The following POM121 variants were observed in gnomAD, a reference collection of about 807,000 sequenced individuals.
The protein encoded by POM121 is nuclear envelope pore membrane protein POM 121.
In POM121, 32 loss-of-function variants were observed where a neutral mutation model predicts 81.3. That is an observed-to-expected ratio of 0.39 (90% CI 0.30 to 0.53). POM121 has a LOEUF of 0.53. POM121 is among the 20% of genes least tolerant of loss of function. POM121 has a pLI of 0.66. For synonymous variants in POM121, 514 were observed against 694.2 expected, an observed-to-expected ratio of 0.74 and a Z score of 4.08; for missense variants, 1,138 against 1,614.6, an observed-to-expected ratio of 0.70 and a Z score of 5.06.
chr7:72,926,324 A>G lies in POM121; in HGVS notation c.707A>G (p.Gln236Arg). ...ITPRRRYPIHQAQYSCLGVLP... is the reference protein window; with the variant it reads ...ITPRRRYPIHRAQYSCLGVLP... ...CCTAGAAGACGCTATCCGATCCATC[A>G]GGCCCAGTATTCCTGTCTGGGGGTA... The change falls in exon 2 of 13, where the codon CAG (glutamine) becomes CGG (arginine). Residue 236 changes from glutamine to arginine, a missense_variant. Coordinates refer to ENST00000434423, the MANE Select transcript of POM121 (RefSeq NM_001387691.1). 6.2e-7 allele frequency: 1 copy of G among 1,609,506 alleles called. No individual in the cohort carries two copies. Among genetic ancestry groups the G allele is most frequent in the East Asian group, 2.2e-5 (1 of 44,740 alleles).
At chr7:72,910,032 C>T (rs1253714541) in intron 3 of POM121, among the ~76,000 whole-genome samples, 2 of 152,198 alleles carry the variant, frequency 1.3e-5, no homozygotes, top group Non-Finnish European at 2.9e-5. Context: ...GTTGTTTTCA[C>T]ACATGGGCAC....
chr7:72,915,508 G>A (rs1794210773), intron 4 of POM121, among the ~76,000 whole-genome samples: 1 of 152,094 alleles, frequency 6.6e-6, no homozygotes, highest in South Asian at 2.1e-4. Flanking sequence ...TAGTAGCTGG[G>A]ATTACAGGTG....
chr7:72,891,127 T>G (rs1791257740), intron 3 of POM121: 1 of 934,442 alleles, frequency 1.1e-6, no homozygotes, highest in African/African-American at 1.6e-5. Context: ...TAGTAGAGTA[T>G]CAAATGTTAA....
chr7:72,948,358 G>C, downstream of POM121: 1 of 1,612,610 alleles, frequency 6.2e-7, no homozygotes, highest in Non-Finnish European at 8.5e-7. Context: ...CAAGAACACA[G>C]CCCGAGGAAG....
intron 9 of POM121, 95 bp from the exon 10 acceptor site, chr7:72,940,722 C>A: frequency 1.8e-5 from 28 of 1,529,546 alleles, no homozygotes; most frequent in Non-Finnish European, 2.5e-5. Context: ...GGCAGGCATT[C>A]CTCCATGAGC....
At chr7:72,915,265 T>C (rs1221420067) in intron 4 of POM121, among the ~76,000 whole-genome samples, 2 of 152,140 alleles carry the variant, frequency 1.3e-5, no homozygotes, top group African/African-American at 4.8e-5. Flanking sequence ...CATTCTAGCA[T>C]TGGGACCAGC....
chr7:72,925,824 C>G, intron 1 of POM121, 59 bp downstream of exon 1: 8 of 1,298,618 alleles, frequency 6.2e-6, no homozygotes, highest in Non-Finnish European at 7.8e-6. Context: ...AAATCGAGGA[C>G]TTGACTTTTA....
intron 5 of POM121, among the ~76,000 whole-genome samples, chr7:72,934,716 T>TTTGTTG (rs1200321513): frequency 2.9e-4 from 44 of 152,126 alleles, no homozygotes; most frequent in Non-Finnish European, 1.5e-5. Context: ...GTTGGTGGTT[T>TTTGTTG]TTGTTGTTGT....
At chr7:72,902,097 A>C (rs1209984776) in intron 3 of POM121, among the ~76,000 whole-genome samples, 1 of 151,360 alleles carries the variant, frequency 6.6e-6, no homozygotes, top group Non-Finnish European at 1.5e-5. Flanking sequence ...AGGCAACAAG[A>C]GTGAAACTCA....
intron 3 of POM121, among the ~76,000 whole-genome samples, chr7:72,898,882 G>C (rs567894060): frequency 1.3e-5 from 2 of 151,756 alleles, no homozygotes; most frequent in East Asian, 3.9e-4. Context: ...ACCTGGGAAG[G>C]CGTTGTATAG....
rs1554496826 is a variant in POM121, at chr7:72,925,167, C to A, written c.46C>A (p.Pro16Thr). 5 of 1,501,300 alleles carry A rather than the reference C, an allele frequency of 3.3e-6. No homozygotes were observed. In the East Asian group the frequency reaches 8.1e-5, roughly 24 times the overall value. 93.0% of individuals were successfully genotyped at this position (1,501,300 alleles called of 1,614,324 possible). A position where few individuals can be genotyped will look rare whatever the true frequency, so the allele number is the denominator to read the frequency against. The change falls in exon 1 of 13, where the codon CCC becomes ACC. Residue 16 changes from proline (P) to threonine (T), a missense_variant. This residue lies in a region of POM121 where 646 missense variants were observed against 633.5 expected (regional missense o/e 1.02). Coordinates refer to ENST00000434423, the MANE Select transcript of POM121 (RefSeq NM_001387691.1). ...GGCTGGAGCAGGCGAGCGGCGGCGG[C>A]CCATAGCGAGTGTCAGGGACGGCCG... The part of the protein sequence containing the change: ...AAAGAGERRR[P>T]IASVRDGRGR...
At chr7:72,921,414 T>G (rs1320832395), upstream of POM121, among the ~76,000 whole-genome samples, 2 of 152,186 alleles carry the variant, frequency 1.3e-5, no homozygotes, top group African/African-American at 4.8e-5. Flanking sequence ...TCTGCCCCAT[T>G]TCTCTGCCAT....
intron 5 of POM121, among the ~76,000 whole-genome samples, chr7:72,931,869 C>T (rs1554498679): frequency 6.6e-6 from 1 of 152,188 alleles, no homozygotes; most frequent in African/African-American, 2.4e-5. Context: ...CCACGCCTGG[C>T]CCATGCAATT....
exon 1 of POM121, chr7:72,879,859 G>C: frequency 1.9e-6 from 1 of 513,326 alleles, no homozygotes; most frequent in Non-Finnish European, 3.9e-6. Context: ...GGGAGCCGTG[G>C]GGCAGAGGCT....
intron 5 of POM121, among the ~76,000 whole-genome samples, chr7:72,930,490 C>G (rs1237557457): frequency 1.3e-5 from 2 of 152,160 alleles, no homozygotes; most frequent in Non-Finnish European, 2.9e-5. Context: ...TGATTCGAGA[C>G]AGAGCTGTGT....
chr7:72,915,999 T>C (rs1794263299), intron 4 of POM121, among the ~76,000 whole-genome samples: 1 of 152,194 alleles, frequency 6.6e-6, no homozygotes, highest in African/African-American at 2.4e-5. Flanking sequence ...GGGTTGTTTG[T>C]TTTTTCCTTG....
chr7:72,920,634 G>A (rs1285687602), upstream of POM121, among the ~76,000 whole-genome samples: 12 of 152,090 alleles, frequency 7.9e-5, no homozygotes, highest in Non-Finnish European at 1.5e-4. Flanking sequence ...GATTACAGGC[G>A]TGAGCCACCG....
intron 4 of POM121, 42 bp downstream of exon 4, chr7:72,928,507 A>G (rs1554498010): frequency 6.3e-7 from 1 of 1,594,144 alleles, no homozygotes; most frequent in Admixed American, 1.7e-5. Context: ...ACTGTTTGGA[A>G]AAAGGCCTGA....
At chr7:72,923,884 G>A (rs1420963953), upstream of POM121, among the ~76,000 whole-genome samples, 1 of 150,994 alleles carries the variant, frequency 6.6e-6, no homozygotes, top group Admixed American at 6.6e-5. Context: ...TCAGGCACGA[G>A]CCACCGCGCC....
Sources: allele counts gnomAD v4.1 joint callset (sites outside exome capture counted in the v4.1 genomes callset), GRCh38; gene constraint gnomAD v4.1.1; regional missense constraint gnomAD v4.1.1; transcripts MANE v1.5; gene names NCBI Gene and HGNC (gene_info 2026-07-23, HGNC 2026-07-21).